MAP4K5: variants seen among roughly 807,000 people sequenced by gnomAD.
MAP4K5 encodes the protein MAPK/ERK kinase kinase kinase 5.
In MAP4K5, 82 loss-of-function variants were observed where a neutral mutation model predicts 135.6. The ratio of observed to expected loss-of-function variants is 0.60; its 90% CI spans 0.51 to 0.73. MAP4K5 has a LOEUF of 0.73. MAP4K5 is among the 30% of genes least tolerant of loss of function. The probability of loss-of-function intolerance (pLI) is 0.00; values close to 1 mark genes in which losing one functional copy is unlikely to be tolerated. For synonymous variants in MAP4K5, 347 were observed against 335.0 expected (o/e 1.04, Z -0.39); for missense variants, 907 against 1,010.9 (o/e 0.90, Z 1.39).
At chr14:50,543,111 A>G (rs893317175) in intron 1 of MAP4K5, among the ~76,000 whole-genome samples, 2 of 152,246 alleles carry the variant, frequency 1.3e-5, no homozygotes, top group African/African-American at 2.4e-5. Flanking sequence ...CCAGGTGTCA[A>G]TCAGCCTCTT....
At chr14:50,465,947 G>A (rs1395727760) in intron 11 of MAP4K5, among the ~76,000 whole-genome samples, 4 of 152,140 alleles carry the variant, frequency 2.6e-5, no homozygotes, top group Non-Finnish European at 5.9e-5. Flanking sequence ...GGTGGCATGT[G>A]CCTGTAGTCC....
Position 50,531,202 on chromosome 14 carries a change from T to A in MAP4K5, c.108+740A>T, listed in dbSNP as rs185822354. 6.5e-3 allele frequency among the ~76,000 whole-genome samples: 995 copies of A among 152,348 alleles called. 12 individuals are homozygous for A. The highest frequency in any genetic ancestry group is 0.01 in the Non-Finnish European group (695 of 68,028). ...GGGAATTGGGTTTGCTTCTCTACAA[T>A]GTTTTTTAAAATCCTAAATTAGGTG... On this transcript the variant is annotated intron_variant, in intron 2 of 32. Transcript: ENST00000682126.
intron 13 of MAP4K5, among the ~76,000 whole-genome samples, chr14:50,458,700 T>C (rs1009055736): frequency 2.6e-5 from 4 of 152,236 alleles, no homozygotes; most frequent in African/African-American, 9.6e-5. Flanking sequence ...TGCTAGGCTC[T>C]CTTCTCATTC....
At chr14:50,549,098 T>G (rs1197747579) in intron 1 of MAP4K5, among the ~76,000 whole-genome samples, 1 of 152,056 alleles carries the variant, frequency 6.6e-6, no homozygotes, top group Non-Finnish European at 1.5e-5. Flanking sequence ...TTGGACCCAT[T>G]CACTTTGAAC....
Position 50,532,082 on chromosome 14 carries a change from C to G in MAP4K5, c.-33G>C, listed in dbSNP as rs112784157. On this transcript the variant is annotated 5_prime_UTR_variant, in exon 2 of 33. Transcript: ENST00000682126. Reference sequence around the variant, plus strand: ...TAGGGCCCGGCCCCCGCCAGCTCACCCCGCGGCTCCCGGATTCCCGCTAAC... The same window carrying G: ...TAGGGCCCGGCCCCCGCCAGCTCACGCCGCGGCTCCCGGATTCCCGCTAAC... The G allele has an allele frequency of 3.0e-6, 4 of 1,345,504 alleles. No individual in the cohort carries two copies. In the South Asian group the frequency reaches 5.1e-5, roughly 17 times the overall value. 83.3% of individuals were successfully genotyped at this position (1,345,504 alleles called of 1,614,324 possible).
intron 1 of MAP4K5, among the ~76,000 whole-genome samples, chr14:50,549,283 G>A (rs1461686247): frequency 1.3e-5 from 2 of 152,196 alleles, no homozygotes; most frequent in Non-Finnish European, 2.9e-5. Context: ...TAACCATATA[G>A]GTACATCATA....
intron 13 of MAP4K5, among the ~76,000 whole-genome samples, chr14:50,457,689 C>CTA (rs2036620975): frequency 6.6e-6 from 1 of 152,170 alleles, no homozygotes; most frequent in Non-Finnish European, 1.5e-5. Context: ...GTCATCAACT[C>CTA]TAACACATGA....
At chr14:50,509,632 A>G (rs142366537) in intron 2 of MAP4K5, among the ~76,000 whole-genome samples, 2 of 152,116 alleles carry the variant, frequency 1.3e-5, no homozygotes, top group African/African-American at 4.8e-5. Context: ...AAAAGTTAGT[A>G]GCCTTCTAAT....
chr14:50,486,495 G>C (rs371780576), intron 3 of MAP4K5, among the ~76,000 whole-genome samples: 3 of 152,022 alleles, frequency 2.0e-5, no homozygotes, highest in African/African-American at 7.2e-5. Flanking sequence ...AGTACAGTGT[G>C]CTGTGACATG....
At chr14:50,552,936 T>C (rs991833329) in intron 1 of MAP4K5, among the ~76,000 whole-genome samples, 2 of 152,126 alleles carry the variant, frequency 1.3e-5, no homozygotes, top group South Asian at 4.1e-4. Context: ...AAAACTCTTA[T>C]AGACATGGGC....
At chr14:50,543,137 G>C (rs772036253) in intron 1 of MAP4K5, among the ~76,000 whole-genome samples, 7 of 152,238 alleles carry the variant, frequency 4.6e-5, no homozygotes, top group Non-Finnish European at 1.0e-4. Flanking sequence ...AGTCACTCTA[G>C]TGCTTGCTCA....
intron 26 of MAP4K5, among the ~76,000 whole-genome samples, chr14:50,435,889 C>A (rs567466441): frequency 6.6e-6 from 1 of 152,204 alleles, no homozygotes; most frequent in East Asian, 1.9e-4. Flanking sequence ...TTGCATTAAA[C>A]TCTAAAGTAT....
chr14:50,510,316 C>G (rs77053992), intron 2 of MAP4K5, among the ~76,000 whole-genome samples: 1 of 152,180 alleles, frequency 6.6e-6, no homozygotes, highest in Non-Finnish European at 1.5e-5. Context: ...TGTCCTCATT[C>G]TGGTACGTTC....
At chr14:50,452,603 A>G (rs1427609987) in intron 14 of MAP4K5, among the ~76,000 whole-genome samples, 1 of 152,198 alleles carries the variant, frequency 6.6e-6, no homozygotes, top group East Asian at 1.9e-4. Context: ...TTATATTAAA[A>G]TTCAGAGACT....
intron 28 of MAP4K5, among the ~76,000 whole-genome samples, chr14:50,430,036 T>C (rs1462951604): frequency 6.6e-6 from 1 of 152,110 alleles, no homozygotes; most frequent in African/African-American, 2.4e-5. Context: ...TATTGAAGAA[T>C]TTTAAAAACA....
intron 2 of MAP4K5, among the ~76,000 whole-genome samples, chr14:50,508,212 C>T (rs1261739592): frequency 6.6e-6 from 1 of 152,102 alleles, no homozygotes; most frequent in Admixed American, 6.6e-5. Flanking sequence ...AGATTTTCCT[C>T]CATCCCTCCA....
At chr14:50,461,693 G>C (rs558712127) in intron 13 of MAP4K5, among the ~76,000 whole-genome samples, 18 of 152,224 alleles carry the variant, frequency 1.2e-4, no homozygotes, top group African/African-American at 4.3e-4. Flanking sequence ...GGCTGAGGCA[G>C]GTGGATCATG....
intron 3 of MAP4K5, among the ~76,000 whole-genome samples, chr14:50,490,075 G>A (rs1368921112): frequency 6.6e-6 from 1 of 150,430 alleles, no homozygotes; most frequent in African/African-American, 2.4e-5. Context: ...ATGCATGGGT[G>A]TGTGTGTGTG....
At chr14:50,422,098 C>T (rs562741499) in intron 32 of MAP4K5, among the ~76,000 whole-genome samples, 8 of 152,114 alleles carry the variant, frequency 5.3e-5, no homozygotes, top group Non-Finnish European at 1.2e-4. Context: ...TCACCTGCCT[C>T]GGCCTCCCAA....
Sources: allele counts gnomAD v4.1 joint callset (sites outside exome capture counted in the v4.1 genomes callset), GRCh38; gene constraint gnomAD v4.1.1; transcripts MANE v1.5; gene names NCBI Gene and HGNC (gene_info 2026-07-23, HGNC 2026-07-21).